KCNQ1OT1: variants seen among roughly 807,000 people sequenced by gnomAD.
KCNQ1OT1 encodes the protein KCNQ1 opposite strand/antisense transcript 1, also known as KCNQ1 antisense RNA 2 (non-protein coding).
exon 1 of KCNQ1OT1, chr11:2,699,160 C>A (rs1850727906): frequency 5.0e-6 from 2 of 398,586 alleles, no homozygotes; most frequent in African/African-American, 4.1e-5. Flanking sequence ...CCACTCTGAA[C>A]CACCATGAGA....
At position 2,613,813 on chromosome 11, in the gene KCNQ1OT1, A is replaced by C; in HGVS notation, n.86182T>G. The C allele has an allele frequency of 2.5e-6, 1 of 398,462 alleles. No homozygotes were observed. Among genetic ancestry groups the C allele is most frequent in the African/African-American group, 2.1e-5 (1 of 48,706 alleles). 24.7% of individuals were successfully genotyped at this position (398,462 alleles called of 1,614,324 possible). On this transcript the variant is annotated non_coding_transcript_exon_variant, in exon 1 of 1. Transcript: ENST00000597346. The surrounding 1 kb of genome is among the most constrained non-coding windows in gnomAD (Gnocchi z 4.8). ...TCTTCCATCCTAATTCCCCCTACCC[A>C]TTATAGGTAACCAGTTTCAGTGTTT...
exon 1 of KCNQ1OT1, chr11:2,680,799 T>C (rs1850384188): frequency 7.7e-6 from 3 of 391,936 alleles, no homozygotes; most frequent in Non-Finnish European, 1.3e-5. Flanking sequence ...AAGAAAATTA[T>C]ATAAATGGAA....
rs570446171 is a variant in KCNQ1OT1, at chr11:2,631,768, G to A, written n.68227C>T. 6 of 398,640 alleles carry A rather than the reference G, an allele frequency of 1.5e-5. No individual in the cohort carries two copies. The Admixed American group carries it at 2.6e-4, about 18-fold the overall frequency. 24.7% of individuals were successfully genotyped at this position (398,640 alleles called of 1,614,324 possible). On this transcript the variant is annotated non_coding_transcript_exon_variant, in exon 1 of 1. Transcript: ENST00000597346. ...TCTTCTTGCAGCTCCATCAGCTGAG[G>A]TCAGCAGTGGCAAACATTACAAAGG...
chr11:2,633,766 G>A, exon 1 of KCNQ1OT1: 1 of 398,444 alleles, frequency 2.5e-6, no homozygotes. Flanking sequence ...GGTTACCATT[G>A]TTTTGTATAC....
At position 2,664,714 on chromosome 11, in the gene KCNQ1OT1, A is replaced by C; in HGVS notation, n.35281T>G. 1 of 398,694 alleles carries C rather than the reference A, an allele frequency of 2.5e-6. No individual in the cohort carries two copies. Among genetic ancestry groups the C allele is most frequent in the Non-Finnish European group, 4.4e-6 (1 of 226,136 alleles). The allele number at this position is 398,694 out of a possible 1,614,324, so 24.7% of individuals were successfully genotyped here. A position where few individuals can be genotyped will look rare whatever the true frequency, so the allele number is the denominator to read the frequency against. On this transcript the variant is annotated non_coding_transcript_exon_variant, in exon 1 of 1. Coordinates refer to ENST00000597346, the Ensembl canonical transcript of KCNQ1OT1. This position sits in a 1 kb window ranked among gnomAD's most constrained non-coding sequence, Gnocchi z 5.1. ...TGGACCCTGAACTGGGAAGAGAGGC[A>C]CACGCCCTGGTGTGTGTGAGGGACA...
chr11:2,680,037 A>G (rs1230673846), exon 1 of KCNQ1OT1: 2 of 395,586 alleles, frequency 5.1e-6, no homozygotes, highest in East Asian at 3.6e-5. Flanking sequence ...GGGACTACAG[A>G]CATCTGCCAC....
In KCNQ1OT1 at chr11:2,627,026, T is replaced by G; in HGVS notation, n.72969A>C. On this transcript the variant is annotated non_coding_transcript_exon_variant, in exon 1 of 1. Transcript: ENST00000597346. The surrounding 1 kb of genome is among the most constrained non-coding windows in gnomAD (Gnocchi z 4.9). ...ATTGTTTTGTGTGGTACTGACACCT[T>G]AACAATATTGGCCTTCCAATCCATG... is the stretch of plus-strand genomic sequence containing the variant. The G allele has an allele frequency of 2.5e-6, 1 of 398,602 alleles. No individual in the cohort carries two copies. Among genetic ancestry groups the G allele is most frequent in the Non-Finnish European group, 4.4e-6 (1 of 226,066 alleles). The allele number at this position is 398,602 out of a possible 1,614,324, so 24.7% of individuals were successfully genotyped here. A position where few individuals can be genotyped will look rare whatever the true frequency, so the allele number is the denominator to read the frequency against.
At chr11:2,618,041 G>T (rs1589984323) in exon 1 of KCNQ1OT1, 1 of 398,246 alleles carries the variant, frequency 2.5e-6, no homozygotes, top group Non-Finnish European at 4.4e-6. Flanking sequence ...TAGTTTGATG[G>T]TATACCAATT....
rs1849234889 is a variant in KCNQ1OT1, at chr11:2,624,696, A to G, written n.75299T>C. ...ATCATCCATCTCCATAACACTTGTC[A>G]TTTGTAATTATGAAACTCTATATCC... is the stretch of plus-strand genomic sequence containing the variant. On this transcript the variant is annotated non_coding_transcript_exon_variant, in exon 1 of 1. Coordinates refer to ENST00000597346, the Ensembl canonical transcript of KCNQ1OT1. The surrounding 1 kb of genome is among the most constrained non-coding windows in gnomAD (Gnocchi z 4.9). The G allele has an allele frequency of 2.5e-6, 1 of 398,408 alleles. No individual in the cohort carries two copies. Among genetic ancestry groups the G allele is most frequent in the Admixed American group, 4.4e-5 (1 of 22,712 alleles). The allele number at this position is 398,408 out of a possible 1,614,324, so 24.7% of individuals were successfully genotyped here.
chr11:2,646,678 C>A, exon 1 of KCNQ1OT1: 1 of 398,596 alleles, frequency 2.5e-6, no homozygotes, highest in East Asian at 3.6e-5. Flanking sequence ...GTGCAGGCCA[C>A]CACGCCCAGC....
chr11:2,673,678 T>C lies in KCNQ1OT1; in HGVS notation n.26317A>G. ...TCCCTTGTCTGCATAGGTGTTTTCC[T>C]ATAAATGTTTAATTCCTGAGGTTGC... On this transcript the variant is annotated non_coding_transcript_exon_variant, in exon 1 of 1. Transcript: ENST00000597346. The surrounding 1 kb of genome is among the most constrained non-coding windows in gnomAD (Gnocchi z 4.5). 2.5e-6 allele frequency: 1 copy of C among 398,698 alleles called. No homozygotes were observed. The highest frequency in any genetic ancestry group is 3.6e-5 in the East Asian group (1 of 28,080). 24.7% of individuals were successfully genotyped at this position (398,698 alleles called of 1,614,324 possible).
In KCNQ1OT1 at chr11:2,647,036, G is replaced by C. The variant is rs997948724; in HGVS notation, n.52959C>G. Reference sequence around the variant, plus strand: ...TTTCTTACTCTGCTGAATAAGAATAGTGAAAGTGGGCATCCTTGTCTTGTT... The same window carrying C: ...TTTCTTACTCTGCTGAATAAGAATACTGAAAGTGGGCATCCTTGTCTTGTT... On this transcript the variant is annotated non_coding_transcript_exon_variant, in exon 1 of 1. Coordinates refer to ENST00000597346, the Ensembl canonical transcript of KCNQ1OT1. The surrounding 1 kb of genome is among the most constrained non-coding windows in gnomAD (Gnocchi z 4.0). 2 of 398,456 alleles carry C rather than the reference G, an allele frequency of 5.0e-6. No homozygotes were observed. Among genetic ancestry groups the C allele is most frequent in the East Asian group, 7.1e-5 (2 of 28,080 alleles). 24.7% of individuals were successfully genotyped at this position (398,456 alleles called of 1,614,324 possible).
exon 1 of KCNQ1OT1, chr11:2,667,586 C>T (rs1184307824): frequency 3.2e-4 from 7 of 22,092 alleles, no homozygotes; most frequent in African/African-American, 3.8e-4. Context: ...GGGGTCGGGG[C>T]GGGGTTGGGC....
At chr11:2,631,127 G>T (rs1849345845) in exon 1 of KCNQ1OT1, 1 of 398,418 alleles carries the variant, frequency 2.5e-6, no homozygotes, top group Non-Finnish European at 4.4e-6. Context: ...AATCTGGGAA[G>T]AGCCCCAGAT....
At position 2,652,859 on chromosome 11, in the gene KCNQ1OT1, C is replaced by T. The variant is rs1193931978; in HGVS notation, n.47136G>A. The T allele has an allele frequency of 5.0e-6, 2 of 398,614 alleles. No individual in the cohort carries two copies. Among genetic ancestry groups the T allele is most frequent in the South Asian group, 1.3e-4 (1 of 7,866 alleles). The allele number at this position is 398,614 out of a possible 1,614,324, so 24.7% of individuals were successfully genotyped here. Reference sequence around the variant, plus strand: ...TTTGTGTATGCTGAGGCTTGCTATACTTATTCTAAGGAGAAGTGTTTGGGG... The same window carrying T: ...TTTGTGTATGCTGAGGCTTGCTATATTTATTCTAAGGAGAAGTGTTTGGGG... On this transcript the variant is annotated non_coding_transcript_exon_variant, in exon 1 of 1. Transcript: ENST00000597346. This position sits in a 1 kb window ranked among gnomAD's most constrained non-coding sequence, Gnocchi z 5.9.
Position 2,642,204 on chromosome 11 carries a change from TG to T in KCNQ1OT1, n.57790del, listed in dbSNP as rs904883780. 6 of 398,450 alleles carry T rather than the reference TG, an allele frequency of 1.5e-5. No individual in the cohort carries two copies. Among genetic ancestry groups the T allele is most frequent in the Admixed American group, 1.3e-4 (3 of 22,718 alleles). The allele number at this position is 398,450 out of a possible 1,614,324, so 24.7% of individuals were successfully genotyped here. A position where few individuals can be genotyped will look rare whatever the true frequency, so the allele number is the denominator to read the frequency against. On this transcript the variant is annotated non_coding_transcript_exon_variant, in exon 1 of 1. Transcript: ENST00000597346. This position sits in a 1 kb window ranked among gnomAD's most constrained non-coding sequence, Gnocchi z 4.3. ...ACTGCATTGAATCTGTAGATTGCTT[TG>T]GGTAGTATGGTCATTTTAATTTTGT...
rs1297648355 is a variant in KCNQ1OT1, at chr11:2,647,257, G to T, written n.52738C>A. The T allele has an allele frequency of 5.5e-5, 22 of 398,208 alleles. No homozygotes were observed. Among genetic ancestry groups the T allele is most frequent in the Non-Finnish European group, 8.9e-6 (2 of 225,988 alleles). 24.7% of individuals were successfully genotyped at this position (398,208 alleles called of 1,614,324 possible). A position where few individuals can be genotyped will look rare whatever the true frequency, so the allele number is the denominator to read the frequency against. ...CATGTATTTTTTTGTCCTTCCTTCT[G>T]TTAATGTGATGTATCACATTTATTG... On this transcript the variant is annotated non_coding_transcript_exon_variant, in exon 1 of 1. Transcript: ENST00000597346. The surrounding 1 kb of genome is among the most constrained non-coding windows in gnomAD (Gnocchi z 4.0).
exon 1 of KCNQ1OT1, chr11:2,660,488 C>T: frequency 2.5e-6 from 1 of 398,586 alleles, no homozygotes; most frequent in Admixed American, 4.4e-5. Context: ...GGGAAGCTAT[C>T]TATGCCTCAT....
exon 1 of KCNQ1OT1, chr11:2,667,416 T>C: frequency 2.5e-6 from 1 of 398,702 alleles, no homozygotes; most frequent in Non-Finnish European, 4.4e-6. Flanking sequence ...CCTCTCCACT[T>C]GTGAACTCCC....
Sources: allele counts gnomAD v4.1 joint callset, GRCh38; gene constraint gnomAD v4.1.1; non-coding constraint Gnocchi (gnomAD v3.1); transcripts MANE v1.5; gene names NCBI Gene and HGNC (gene_info 2026-07-23, HGNC 2026-07-21).